Variants in B3GALT5 observed in about 807,000 individuals in gnomAD.
B3GALT5 encodes the protein UDP-Gal:betaGlcNAc beta 1,3-galactosyltransferase, polypeptide 5.
For synonymous variants in B3GALT5, 156 were observed against 158.6 expected (o/e 0.98, Z 0.12); for missense variants, 328 against 396.6 (o/e 0.83, Z 1.47).
intron 1 of B3GALT5, among the ~76,000 whole-genome samples, chr21:39,646,146 G>A (rs962100667): frequency 2.0e-5 from 3 of 152,040 alleles, no homozygotes; most frequent in East Asian, 1.9e-4. Context: ...AAGGTGGCAG[G>A]CTGCCTCTGC....
chr21:39,643,064 A>AAT (rs1569214004), intron 1 of B3GALT5, among the ~76,000 whole-genome samples: 1 of 149,928 alleles, frequency 6.7e-6, no homozygotes, highest in African/African-American at 2.5e-5. Flanking sequence ...AAAAAAAAAA[A>AAT]TTTTTGTAAA....
At chr21:39,618,794 A>T (rs1446818583) in intron 1 of B3GALT5, among the ~76,000 whole-genome samples, 1 of 151,284 alleles carries the variant, frequency 6.6e-6, no homozygotes, top group African/African-American at 2.4e-5. Flanking sequence ...GAAATTTACC[A>T]CTTTTTTTTA....
intron 2 of B3GALT5, among the ~76,000 whole-genome samples, chr21:39,654,275 T>A (rs2079421152): frequency 6.6e-6 from 1 of 152,126 alleles, no homozygotes; most frequent in African/African-American, 2.4e-5. Context: ...AGAGATAGGG[T>A]TTTGCCATGT....
chr21:39,620,061 A>G (rs1602253621), intron 1 of B3GALT5, among the ~76,000 whole-genome samples: 1 of 152,230 alleles, frequency 6.6e-6, no homozygotes, highest in Non-Finnish European at 1.5e-5. Context: ...CCTGGCCTCA[A>G]GTGATCCTCC....
intron 1 of B3GALT5, among the ~76,000 whole-genome samples, chr21:39,637,866 A>G (rs1010098550): frequency 6.6e-6 from 1 of 152,216 alleles, no homozygotes; most frequent in Non-Finnish European, 1.5e-5. Flanking sequence ...GTTTGGCTGC[A>G]AGGGAGCAAG....
intron 3 of B3GALT5, among the ~76,000 whole-genome samples, 165 bp downstream of exon 3, chr21:39,660,077 G>A (rs1008587346): frequency 1.3e-5 from 2 of 152,082 alleles, no homozygotes; most frequent in African/African-American, 4.8e-5. Flanking sequence ...GAAGGTACTT[G>A]TGCACATCAG....
intron 2 of B3GALT5, among the ~76,000 whole-genome samples, chr21:39,658,875 A>G (rs28556755): frequency 0.73 from 110,233 of 151,700 alleles, 40,764 homozygotes; most frequent in Middle Eastern, 0.82. Flanking sequence ...TTATATTCCT[A>G]TTGCTTTTGG....
intron 1 of B3GALT5, among the ~76,000 whole-genome samples, chr21:39,639,340 TTC>T (rs1491148524): frequency 1.0e-4 from 13 of 125,286 alleles, no homozygotes; most frequent in African/African-American, 3.7e-4. Flanking sequence ...CTTTCTTTCT[TTC>T]TTTCTTTCCT....
At chr21:39,657,608 C>A (rs2079458856) in intron 2 of B3GALT5, 2 of 300,708 alleles carry the variant, frequency 6.7e-6, no homozygotes, top group South Asian at 1.6e-4. Flanking sequence ...CGGTATTTCC[C>A]AACCTCCGTA....
chr21:39,646,145 G>C (rs1040912391), intron 1 of B3GALT5, among the ~76,000 whole-genome samples: 7 of 152,086 alleles, frequency 4.6e-5, no homozygotes, highest in Non-Finnish European at 8.8e-5. Flanking sequence ...AAAGGTGGCA[G>C]GCTGCCTCTG....
intron 1 of B3GALT5, among the ~76,000 whole-genome samples, chr21:39,632,472 G>C (rs949708815): frequency 2.0e-5 from 3 of 152,188 alleles, no homozygotes; most frequent in African/African-American, 7.2e-5. Flanking sequence ...GGAAGGGAAA[G>C]AAAATAAGAG....
chr21:39,642,347 AT>A (rs2079296435), intron 1 of B3GALT5, among the ~76,000 whole-genome samples: 1 of 152,228 alleles, frequency 6.6e-6, no homozygotes, highest in African/African-American at 2.4e-5. Flanking sequence ...ATGGTAATAA[AT>A]TACTGATCTC....
In B3GALT5 at chr21:39,672,454, A is replaced by G. The variant is rs1487070441; in HGVS notation, c.*10962A>G. 1.3e-5 allele frequency: 2 copies of G among 152,222 alleles called. No homozygotes were observed. The highest frequency in any genetic ancestry group is 2.9e-5 in the Non-Finnish European group (2 of 68,044). 9.4% of individuals were successfully genotyped at this position (152,222 alleles called of 1,614,324 possible). A position where few individuals can be genotyped will look rare whatever the true frequency, so the allele number is the denominator to read the frequency against. ...TTAAATTTACATGTCACTGAATGCT[A>G]TTTGAAACTGTCATTTCCTTGTATA... On this transcript the variant is annotated 3_prime_UTR_variant, in exon 4 of 4. Coordinates refer to ENST00000684187, the MANE Select transcript of B3GALT5 (RefSeq NM_001356336.2).
intron 1 of B3GALT5, among the ~76,000 whole-genome samples, chr21:39,620,726 C>G (rs2079130182): frequency 6.6e-6 from 1 of 151,978 alleles, no homozygotes; most frequent in African/African-American, 2.4e-5. Flanking sequence ...ATAAACCGAC[C>G]TTTGTATGCT....
At chr21:39,627,357 G>A (rs1345213918) in intron 1 of B3GALT5, among the ~76,000 whole-genome samples, 2 of 152,166 alleles carry the variant, frequency 1.3e-5, no homozygotes, top group East Asian at 1.9e-4. Context: ...CTCACTCTTG[G>A]TAAAGTCACC....
At chr21:39,657,803 C>G in intron 2 of B3GALT5, 1 of 1,177,230 alleles carries the variant, frequency 8.5e-7, no homozygotes, top group Admixed American at 4.2e-5. Context: ...GACTAATACA[C>G]CTGGAGTGCA....
Position 39,617,589 on chromosome 21 carries a change from C to T in B3GALT5, c.-392+4522C>T, listed in dbSNP as rs555978833. Reference sequence around the variant, plus strand: ...ACTGCCTTTTAATCCAATCACTTCCCTCCCTCGACACTTGAGGATTACAGC... The same window carrying T: ...ACTGCCTTTTAATCCAATCACTTCCTTCCCTCGACACTTGAGGATTACAGC... On this transcript the variant is annotated intron_variant, in intron 1 of 3. Transcript: ENST00000684187. Among the ~76,000 whole-genome samples the T allele has an allele frequency of 3.9e-5, 6 of 152,316 alleles. No individual in the cohort carries two copies. The East Asian group carries it at 7.7e-4, about 20-fold the overall frequency.
Position 39,635,598 on chromosome 21 carries a change from C to T in B3GALT5, c.-391-10794C>T, listed in dbSNP as rs139481229. ...GGTTCAAGCAATTCTTCTGCCTCAG[C>T]CTCCCAAGTAGCTGGGATTACAGGC... On this transcript the variant is annotated intron_variant, in intron 1 of 3. Transcript: ENST00000684187. 7.6e-3 allele frequency among the ~76,000 whole-genome samples: 1,164 copies of T among 152,274 alleles called. 16 individuals are homozygous for T. The highest frequency in any genetic ancestry group is 0.026 in the African/African-American group (1,088 of 41,554).
intron 1 of B3GALT5, among the ~76,000 whole-genome samples, chr21:39,619,131 T>G (rs149912555): frequency 6.6e-6 from 1 of 152,312 alleles, no homozygotes; most frequent in East Asian, 1.9e-4. Context: ...CTGCTTGGGC[T>G]GCCATAATGA....
Sources: gnomAD v4.1 joint callset for allele counts (sites outside exome capture counted in the v4.1 genomes callset) on GRCh38, gnomAD v4.1.1 for gene constraint, MANE v1.5 for transcripts, NCBI Gene and HGNC (gene_info 2026-07-23, HGNC 2026-07-21) for gene names.